Variants in SNX24 observed in about 807,000 individuals in gnomAD.
SNX24 encodes sorting nexin 24, also known as sorting nexin-24.
A neutral mutation model predicts 28.7 loss-of-function variants in SNX24; 22 were observed. That is an observed-to-expected ratio of 0.77 (90% CI 0.55 to 1.10). The LOEUF (loss-of-function observed/expected upper bound fraction) is 1.10, where lower values mean the gene tolerates loss of function less well. Ranked by LOEUF, SNX24 falls within the 50% of genes least tolerant of loss-of-function variation. SNX24 has a pLI of 0.00. For synonymous variants in SNX24, 69 were observed against 71.5 expected (o/e 0.96, Z 0.18); for missense variants, 221 against 201.1 (o/e 1.10, Z -0.60).
chr5:122,945,931 T>C, intron 2 of SNX24, 124 bp from the exon 3 acceptor site: 1 of 525,688 alleles, frequency 1.9e-6, no homozygotes. Context: ...TTCCTCTATT[T>C]TTTATTGCAG....
Position 122,862,820 on chromosome 5 carries a change from G to A in SNX24, c.60+17127G>A, listed in dbSNP as rs12108908. ...GAAAGTTGGAAGCTCTATTTTGGAG[G>A]TCAATTTGGCAGTATATATTAGATA... On this transcript the variant is annotated intron_variant, in intron 1 of 6. Transcript: ENST00000261369. Among the ~76,000 whole-genome samples, 184 of 151,938 alleles carry A rather than the reference G, an allele frequency of 1.2e-3. 1 individual carries two copies. Among genetic ancestry groups the A allele is most frequent in the African/African-American group, 4.1e-3 (171 of 41,438 alleles).
intron 5 of SNX24, among the ~76,000 whole-genome samples, chr5:123,027,987 CTTTG>C (rs1396365401): frequency 6.6e-6 from 1 of 152,186 alleles, no homozygotes; most frequent in Non-Finnish European, 1.5e-5. Flanking sequence ...TGAACTCCAA[CTTTG>C]TTTGTAAGAG....
At chr5:122,892,134 C>G (rs1756999391) in intron 1 of SNX24, among the ~76,000 whole-genome samples, 1 of 152,160 alleles carries the variant, frequency 6.6e-6, no homozygotes, top group Non-Finnish European at 1.5e-5. Context: ...TTCAGATTCA[C>G]CAGTTAACCT....
At chr5:122,975,797 T>C (rs1294398100) in intron 3 of SNX24, among the ~76,000 whole-genome samples, 1 of 152,200 alleles carries the variant, frequency 6.6e-6, no homozygotes, top group Non-Finnish European at 1.5e-5. Flanking sequence ...GTATTAACTT[T>C]TGGATCTGCA....
chr5:122,884,182 A>T (rs1261830127), intron 1 of SNX24, among the ~76,000 whole-genome samples: 1 of 148,452 alleles, frequency 6.7e-6, no homozygotes, highest in Non-Finnish European at 1.5e-5. Context: ...AGTTAGTCTG[A>T]TTTGAATTCT....
rs139258938 is a variant in SNX24 at position 122,979,876 on chromosome 5, G to A, written c.250-20036G>A. 5.8e-4 allele frequency among the ~76,000 whole-genome samples: 89 copies of A among 152,222 alleles called. 1 individual carries two copies. In the East Asian group the frequency reaches 0.014, roughly 24 times the overall value. ...TCTCCATTTATTCAGCGGTCCACCCGAATCTTTTGTTAGCAACCACATTTG... is the reference window on the plus strand; with the variant it reads ...TCTCCATTTATTCAGCGGTCCACCCAAATCTTTTGTTAGCAACCACATTTG... On this transcript the variant is annotated intron_variant, in intron 3 of 6. Transcript: ENST00000261369.
chr5:123,001,409 T>G lies in SNX24; in HGVS notation c.349T>G (p.Phe117Val). The G allele has an allele frequency of 6.2e-7, 1 of 1,604,206 alleles. No individual in the cohort carries two copies. The highest frequency in any genetic ancestry group is 8.5e-7 in the Non-Finnish European group (1 of 1,172,024). Reference sequence around the variant, plus strand: ...TTCCTTTTTCAAAACTTTTAGATCTTTTGATGAAACAGAGTCTGAAGAGTC... The same window carrying G: ...TTCCTTTTTCAAAACTTTTAGATCTGTTGATGAAACAGAGTCTGAAGAGTC... ...SLPKAESCGS[F>V]DETESEESSK... The change falls in exon 5 of 7, where the codon TTT (phenylalanine) becomes GTT (valine). Residue 117 changes from phenylalanine to valine, a missense_variant. Transcript: ENST00000261369.
intron 1 of SNX24, among the ~76,000 whole-genome samples, chr5:122,913,340 C>CG (rs1417707946): frequency 2.2e-5 from 3 of 137,270 alleles, no homozygotes; most frequent in Non-Finnish European, 4.7e-5. Flanking sequence ...GCTGGCCGGG[C>CG]GGGGGCTGAC....
intron 1 of SNX24, among the ~76,000 whole-genome samples, chr5:122,931,026 T>G (rs770517177): frequency 2.6e-5 from 4 of 152,232 alleles, no homozygotes; most frequent in Non-Finnish European, 5.9e-5. Flanking sequence ...TCTGCAACAT[T>G]AAGTGAGGGC....
intron 1 of SNX24, among the ~76,000 whole-genome samples, chr5:122,900,966 C>T (rs1005898213): frequency 1.3e-4 from 19 of 151,756 alleles, no homozygotes; most frequent in Non-Finnish European, 2.2e-4. Flanking sequence ...TTTGGGAGGT[C>T]GAGGCAGGTG....
At chr5:123,015,615 G>A (rs760722839) in intron 5 of SNX24, among the ~76,000 whole-genome samples, 1 of 152,140 alleles carries the variant, frequency 6.6e-6, no homozygotes, top group African/African-American at 2.4e-5. Flanking sequence ...CCCTACCCCA[G>A]ACTTGCTGAA....
chr5:122,892,873 A>G (rs7732636), intron 1 of SNX24, among the ~76,000 whole-genome samples: 15,275 of 151,636 alleles, frequency 0.1, 1,241 homozygotes, highest in East Asian at 0.36. Context: ...GGTTCAAGCT[A>G]TTGTGCCTCA....
intron 1 of SNX24, among the ~76,000 whole-genome samples, chr5:122,904,052 C>T (rs936708340): frequency 1.3e-5 from 2 of 152,030 alleles, no homozygotes; most frequent in Non-Finnish European, 2.9e-5. Flanking sequence ...CATTTTTTTT[C>T]AGCTCTTATA....
chr5:122,895,452 C>T (rs1757157111), intron 1 of SNX24, among the ~76,000 whole-genome samples: 1 of 152,178 alleles, frequency 6.6e-6, no homozygotes, highest in Non-Finnish European at 1.5e-5. Context: ...TAATCCACAC[C>T]ATTTTGTATC....
chr5:122,893,942 G>A (rs751381788), intron 1 of SNX24, among the ~76,000 whole-genome samples: 1 of 152,006 alleles, frequency 6.6e-6, no homozygotes, highest in Non-Finnish European at 1.5e-5. Flanking sequence ...CAGCTACTTG[G>A]GAAGCTGTGG....
In SNX24 at chr5:122,994,002, C is replaced by G. The variant is rs528838979; in HGVS notation, c.250-5910C>G. ...TTAGCTTTTGTGACAAAGAGGTTCT[C>G]TACAGTTTATAACAACCCTGATAGA... On this transcript the variant is annotated intron_variant, in intron 3 of 6. Coordinates refer to ENST00000261369, the MANE Select transcript of SNX24 (RefSeq NM_014035.4). Among the ~76,000 whole-genome samples, 6 of 152,166 alleles carry G rather than the reference C, an allele frequency of 3.9e-5. No individual in the cohort carries two copies. In the South Asian group the frequency reaches 8.3e-4, roughly 21 times the overall value.
At chr5:122,847,902 A>G (rs1206939132) in intron 1 of SNX24, among the ~76,000 whole-genome samples, 2 of 152,068 alleles carry the variant, frequency 1.3e-5, no homozygotes, top group Non-Finnish European at 2.9e-5. Flanking sequence ...GCGGTTTTTC[A>G]TTCAACAAAT....
chr5:122,921,064 A>AAT (rs147721601), intron 1 of SNX24, among the ~76,000 whole-genome samples: 12 of 151,578 alleles, frequency 7.9e-5, no homozygotes, highest in Non-Finnish European at 1.2e-4. Flanking sequence ...TTTGGTAAAG[A>AAT]ATATATATAT....
intron 5 of SNX24, chr5:123,023,715 G>T (rs1462534862): frequency 2.6e-6 from 3 of 1,161,622 alleles, no homozygotes; most frequent in African/African-American, 1.6e-5. Flanking sequence ...AAACTAAAGG[G>T]TGACGGTTTG....
Sources: gnomAD v4.1 joint callset for allele counts (sites outside exome capture counted in the v4.1 genomes callset) on GRCh38, gnomAD v4.1.1 for gene constraint, MANE v1.5 for transcripts, NCBI Gene and HGNC (gene_info 2026-07-23, HGNC 2026-07-21) for gene names.